Variants in CTNNA3 observed in about 807,000 individuals in gnomAD.
CTNNA3 encodes catenin alpha-3.
Under a neutral mutation model 95.7 loss-of-function variants are expected in CTNNA3, and 76 were observed. The observed-to-expected ratio is 0.79, with a 90% CI of 0.66 to 0.96. The LOEUF is 0.96. CTNNA3 is among the 40% of genes least tolerant of loss of function. The pLI, the probability that CTNNA3 is intolerant of heterozygous loss-of-function variation, is 0.00. For synonymous variants in CTNNA3, 431 were observed against 374.4 expected (o/e 1.15, Z -1.74); for missense variants, 1,191 against 1,089.8 (o/e 1.09, Z -1.31).
chr10:66,137,946 T>C (rs997934018), intron 13 of CTNNA3, among the ~76,000 whole-genome samples: 3 of 151,914 alleles, frequency 2.0e-5, no homozygotes, highest in African/African-American at 7.3e-5. Flanking sequence ...CCACATCCTG[T>C]CTTGAAAATA....
Position 66,440,079 on chromosome 10 carries a change from T to C in CTNNA3, c.1532-60727A>G, listed in dbSNP as rs112868213. ...TTTCTCATATTGATAGCATTTATGT[T>C]ATTGCCAGCTTGGGCTATTAAAACA... On this transcript the variant is annotated intron_variant, in intron 11 of 17. Transcript: ENST00000433211. 7.4e-3 allele frequency among the ~76,000 whole-genome samples: 1,123 copies of C among 152,298 alleles called. 15 individuals carry two copies. The highest frequency in any genetic ancestry group is 0.013 in the Admixed American group (199 of 15,290).
At chr10:66,610,379 G>A (rs1377465171) in intron 10 of CTNNA3, among the ~76,000 whole-genome samples, 1 of 152,054 alleles carries the variant, frequency 6.6e-6, no homozygotes, top group African/African-American at 2.4e-5. Context: ...AGGTTAGGTG[G>A]ATGGTCTCTT....
At chr10:67,492,982 A>G (rs1838902802) in intron 5 of CTNNA3, among the ~76,000 whole-genome samples, 1 of 152,188 alleles carries the variant, frequency 6.6e-6, no homozygotes, top group Non-Finnish European at 1.5e-5. Context: ...ACAATTAACA[A>G]TTTTAAACTG....
chr10:66,935,925 GC>G (rs1319577333), intron 7 of CTNNA3, among the ~76,000 whole-genome samples: 1 of 151,914 alleles, frequency 6.6e-6, no homozygotes, highest in Non-Finnish European at 1.5e-5. Context: ...GCTTCTCAAA[GC>G]CAAATCATGC....
At chr10:66,706,567 C>T (rs1346709320) in intron 9 of CTNNA3, among the ~76,000 whole-genome samples, 8 of 151,816 alleles carry the variant, frequency 5.3e-5, no homozygotes, top group Non-Finnish European at 5.9e-5. Context: ...CTGCCTCAAT[C>T]AGTTAAATAA....
At chr10:66,232,229 A>G (rs1461200435) in intron 13 of CTNNA3, among the ~76,000 whole-genome samples, 2 of 152,152 alleles carry the variant, frequency 1.3e-5, no homozygotes, top group African/African-American at 4.8e-5. Context: ...GAGATAATAA[A>G]TTTATGTTGT....
chr10:66,417,992 G>A (rs1028568917), intron 11 of CTNNA3, among the ~76,000 whole-genome samples: 12 of 150,952 alleles, frequency 7.9e-5, no homozygotes, highest in Non-Finnish European at 1.2e-4. Flanking sequence ...ACATTAGCAG[G>A]AGGCAAGAAA....
intron 7 of CTNNA3, among the ~76,000 whole-genome samples, chr10:67,105,235 T>TGATAGATAGATAGATA (rs56678810): frequency 0.22 from 33,809 of 150,486 alleles, 3,907 homozygotes; most frequent in Middle Eastern, 0.35. Context: ...ACATATTAAA[T>TGATAGATAGATAGATA]GATAGATAGA....
chr10:67,327,556 C>A (rs954371632), intron 5 of CTNNA3, among the ~76,000 whole-genome samples: 1 of 152,164 alleles, frequency 6.6e-6, no homozygotes, highest in African/African-American at 2.4e-5. Context: ...GTATTGAGCC[C>A]CAACTTTGTT....
intron 11 of CTNNA3, among the ~76,000 whole-genome samples, chr10:66,416,829 C>G (rs1196177058): frequency 6.6e-6 from 1 of 151,938 alleles, no homozygotes; most frequent in Non-Finnish European, 1.5e-5. Context: ...AACATGGAAG[C>G]AAAAGGACAT....
chr10:65,925,734 G>T (rs975566141), intron 17 of CTNNA3, among the ~76,000 whole-genome samples: 2 of 152,090 alleles, frequency 1.3e-5, no homozygotes, highest in Admixed American at 1.3e-4. Context: ...ACTGCACTTG[G>T]CTCTTCTTGT....
At chr10:66,975,761 T>C (rs1057225990) in intron 7 of CTNNA3, among the ~76,000 whole-genome samples, 1 of 152,210 alleles carries the variant, frequency 6.6e-6, no homozygotes, top group African/African-American at 2.4e-5. Context: ...TTCTTGGCTG[T>C]TTCCTCTATT....
At chr10:66,868,430 AC>A (rs1844270129) in intron 7 of CTNNA3, among the ~76,000 whole-genome samples, 1 of 151,792 alleles carries the variant, frequency 6.6e-6, no homozygotes, top group Admixed American at 6.6e-5. Context: ...GCAGAGCTGC[AC>A]TGTCCTGGGC....
chr10:67,458,394 G>C (rs1268262248), intron 5 of CTNNA3, among the ~76,000 whole-genome samples: 1 of 152,016 alleles, frequency 6.6e-6, no homozygotes, highest in African/African-American at 2.4e-5. Context: ...AAAATCAGTA[G>C]GCAGCATAGC....
intron 7 of CTNNA3, among the ~76,000 whole-genome samples, chr10:67,031,118 C>T (rs558088983): frequency 1.3e-5 from 2 of 152,170 alleles, no homozygotes; most frequent in African/African-American, 4.8e-5. Context: ...AGAGTTTAAA[C>T]TAGATGACTT....
At chr10:67,463,504 G>A (rs895182553) in intron 5 of CTNNA3, among the ~76,000 whole-genome samples, 2 of 152,058 alleles carry the variant, frequency 1.3e-5, no homozygotes, top group African/African-American at 4.8e-5. Context: ...ATGACACAAA[G>A]GCAAGATAAA....
At chr10:66,518,122 T>C (rs1292702206) in intron 11 of CTNNA3, among the ~76,000 whole-genome samples, 1 of 152,116 alleles carries the variant, frequency 6.6e-6, no homozygotes, top group Admixed American at 6.6e-5. Context: ...TTAAGTAACC[T>C]TTACATGAGT....
At chr10:66,541,919 A>C (rs918891809) in intron 10 of CTNNA3, among the ~76,000 whole-genome samples, 1 of 152,184 alleles carries the variant, frequency 6.6e-6, no homozygotes, top group African/African-American at 2.4e-5. Flanking sequence ...GCTTTTGCAC[A>C]GCAAAAGAAA....
chr10:67,348,619 G>A lies in CTNNA3; in HGVS notation c.580-128749C>T, dbSNP rs189942938. On this transcript the variant is annotated intron_variant, in intron 5 of 17. Transcript: ENST00000433211. ...AGAGAGCAAGAGACAGAGGGAGGAG[G>A]TGCCCGGCACTTTTAAACAACCAGA... Among the ~76,000 whole-genome samples the A allele has an allele frequency of 7.4e-4, 113 of 152,126 alleles. 1 individual carries two copies. The highest frequency in any genetic ancestry group is 2.6e-3 in the African/African-American group (109 of 41,502).
Sources: allele counts gnomAD v4.1 joint callset (sites outside exome capture counted in the v4.1 genomes callset), GRCh38; gene constraint gnomAD v4.1.1; transcripts MANE v1.5; gene names NCBI Gene and HGNC (gene_info 2026-07-23, HGNC 2026-07-21).